The following TRIM33 variants were observed in gnomAD, a reference collection of about 807,000 sequenced individuals.
TRIM33 encodes the protein E3 ubiquitin-protein ligase TRIM33.
TRIM33 carries 20 observed loss-of-function variants against 125.4 expected under a neutral mutation model. The observed-to-expected ratio is 0.16, with a 90% CI of 0.11 to 0.23. TRIM33 has a LOEUF of 0.23. Ranked by LOEUF, TRIM33 falls within the 10% of genes least tolerant of loss-of-function variation. The pLI, the probability that TRIM33 is intolerant of heterozygous loss-of-function variation, is 1.00. For synonymous variants in TRIM33, 564 were observed against 513.9 expected (o/e 1.10, Z -1.32); for missense variants, 920 against 1,411.4 (o/e 0.65, Z 5.58).
chr1:114,439,886 A>C (rs1557866522), intron 4 of TRIM33, among the ~76,000 whole-genome samples: 1 of 152,162 alleles, frequency 6.6e-6, no homozygotes, highest in African/African-American at 2.4e-5. Flanking sequence ...ACATCTTTAA[A>C]CTACTTAAAG....
rs567588746 is a variant in TRIM33, at chr1:114,454,750, G to GA, written c.923+8353dup. On this transcript the variant is annotated intron_variant, in intron 4 of 19. Coordinates refer to ENST00000358465, the MANE Select transcript of TRIM33 (RefSeq NM_015906.4). The stretch of plus-strand genomic sequence containing the variant: ...TACTAGCTAAAATGAAAATACAAGA[G>GA]AATGTTAGGACAGATCTTGACACTG... Among the ~76,000 whole-genome samples, 364 of 151,894 alleles carry GA rather than the reference G, an allele frequency of 2.4e-3. 1 individual carries two copies. Among genetic ancestry groups the GA allele is most frequent in the Non-Finnish European group, 2.7e-3 (182 of 67,976 alleles).
chr1:114,480,666 A>T (rs747901521), intron 1 of TRIM33, among the ~76,000 whole-genome samples: 1 of 152,156 alleles, frequency 6.6e-6, no homozygotes, highest in South Asian at 2.1e-4. Flanking sequence ...ACACACGGAA[A>T]ACAACTAGCA....
In TRIM33 at chr1:114,477,081, T is replaced by G. The variant is rs182432619; in HGVS notation, c.527-12693A>C. 2.6e-4 allele frequency among the ~76,000 whole-genome samples: 40 copies of G among 152,274 alleles called. No individual in the cohort carries two copies. The East Asian group carries it at 7.7e-3, about 29-fold the overall frequency. On this transcript the variant is annotated intron_variant, in intron 1 of 19. Transcript: ENST00000358465. The stretch of plus-strand genomic sequence containing the variant: ...CTAAATGAAATATTAGCAAACATTC[T>G]GTCAATCTGTCAAAAGAATATTATG...
chr1:114,457,529 A>G (rs1440132631), intron 4 of TRIM33, among the ~76,000 whole-genome samples: 1 of 152,256 alleles, frequency 6.6e-6, no homozygotes, highest in Non-Finnish European at 1.5e-5. Context: ...TAAGGAAGGC[A>G]GTGTCCAGAA....
At chr1:114,404,286 C>A (rs1455594312) in intron 15 of TRIM33, 2 of 151,906 alleles carry the variant, frequency 1.3e-5, no homozygotes, top group African/African-American at 2.4e-5. Flanking sequence ...AAGGTGTGTG[C>A]CACCATGCCT....
chr1:114,417,127 G>A (rs1406777727), intron 11 of TRIM33, among the ~76,000 whole-genome samples: 1 of 152,140 alleles, frequency 6.6e-6, no homozygotes, highest in Non-Finnish European at 1.5e-5. Context: ...GACATCAAAG[G>A]CCAAATATAA....
At chr1:114,418,713 A>G (rs1653086416) in intron 11 of TRIM33, among the ~76,000 whole-genome samples, 1 of 151,956 alleles carries the variant, frequency 6.6e-6, no homozygotes. Context: ...GCCTTTTTAG[A>G]TATCTTTTGA....
chr1:114,421,159 A>G (rs1477319006), intron 11 of TRIM33, among the ~76,000 whole-genome samples: 1 of 152,168 alleles, frequency 6.6e-6, no homozygotes, highest in Non-Finnish European at 1.5e-5. Flanking sequence ...TCTCACTTAC[A>G]TGTGGAATCT....
chr1:114,402,183 C>T (rs1392676415), intron 16 of TRIM33, among the ~76,000 whole-genome samples: 1 of 152,108 alleles, frequency 6.6e-6, no homozygotes, highest in African/African-American at 2.4e-5. Flanking sequence ...AGAGAGTTTC[C>T]ATTTTTAATA....
rs1306668659 is a variant in TRIM33 at position 114,394,398 on chromosome 1, A to T, written c.*3250T>A. On this transcript the variant is annotated 3_prime_UTR_variant, in exon 20 of 20. Transcript: ENST00000358465. ...TCCAAGGGCATAGTTGGAAGACCTG[A>T]ATCTATTATCTTATTAACACTAATC... The T allele has an allele frequency of 4.5e-6, 1 of 222,054 alleles. No homozygotes were observed. Among genetic ancestry groups the T allele is most frequent in the Non-Finnish European group, 9.0e-6 (1 of 110,810 alleles). 13.8% of individuals were successfully genotyped at this position (222,054 alleles called of 1,614,324 possible).
At chr1:114,455,657 T>C (rs942650122) in intron 4 of TRIM33, among the ~76,000 whole-genome samples, 3 of 152,102 alleles carry the variant, frequency 2.0e-5, no homozygotes, top group African/African-American at 7.2e-5. Flanking sequence ...TGAACACAGA[T>C]GGAATTGAAA....
intron 4 of TRIM33, among the ~76,000 whole-genome samples, chr1:114,437,398 G>A (rs1417910494): frequency 6.6e-6 from 1 of 152,130 alleles, no homozygotes; most frequent in Non-Finnish European, 1.5e-5. Flanking sequence ...GAGTACAGTG[G>A]CACGATTTCG....
At chr1:114,493,122 G>C (rs1652170725) in intron 1 of TRIM33, among the ~76,000 whole-genome samples, 1 of 152,066 alleles carries the variant, frequency 6.6e-6, no homozygotes. Flanking sequence ...TCTCCTTGTG[G>C]TTTTGTTTAC....
chr1:114,474,180 C>T (rs2101448737), intron 1 of TRIM33, among the ~76,000 whole-genome samples: 1 of 152,140 alleles, frequency 6.6e-6, no homozygotes, highest in Middle Eastern at 3.4e-3. Context: ...GGATTACAGG[C>T]ATAAGTCACT....
chr1:114,445,951 G>A (rs1283277119), intron 4 of TRIM33, among the ~76,000 whole-genome samples: 3 of 152,098 alleles, frequency 2.0e-5, no homozygotes, highest in East Asian at 3.9e-4. Flanking sequence ...TCCGCCTCCT[G>A]GGTTCAAGCA....
At chr1:114,403,476 T>C (rs1463325200) in intron 15 of TRIM33, among the ~76,000 whole-genome samples, 1 of 152,068 alleles carries the variant, frequency 6.6e-6, no homozygotes, top group Non-Finnish European at 1.5e-5. Flanking sequence ...GTTCAAGCGA[T>C]TCTTGTACCT....
chr1:114,397,545 G>T lies in TRIM33; in HGVS notation c.*103C>A. On this transcript the variant is annotated 3_prime_UTR_variant, in exon 20 of 20. Coordinates refer to ENST00000358465, the MANE Select transcript of TRIM33 (RefSeq NM_015906.4). ...TTCTTCAAGGAGGTGCCCACTGTAG[G>T]CAGGATATTCCAGCAACACTTAAAA... 2 of 810,796 alleles carry T rather than the reference G, an allele frequency of 2.5e-6. No individual in the cohort carries two copies. Among genetic ancestry groups the T allele is most frequent in the Non-Finnish European group, 3.9e-6 (2 of 511,648 alleles). The allele number at this position is 810,796 out of a possible 1,614,324, so 50.2% of individuals were successfully genotyped here.
intron 4 of TRIM33, among the ~76,000 whole-genome samples, chr1:114,449,802 A>G (rs1042523691): frequency 6.6e-6 from 1 of 152,102 alleles, no homozygotes; most frequent in African/African-American, 2.4e-5. Context: ...TGTCAGCATT[A>G]TTTTTCAAAT....
chr1:114,431,132 T>C (rs1397900363), intron 5 of TRIM33, among the ~76,000 whole-genome samples: 1 of 152,240 alleles, frequency 6.6e-6, no homozygotes, highest in African/African-American at 2.4e-5. Context: ...TTTTAAATTA[T>C]GCTCATAAAG....
Sources: allele counts gnomAD v4.1 joint callset (sites outside exome capture counted in the v4.1 genomes callset), GRCh38; gene constraint gnomAD v4.1.1; transcripts MANE v1.5; gene names NCBI Gene and HGNC (gene_info 2026-07-23, HGNC 2026-07-21).